The following COPE variants were observed in gnomAD, a reference collection of about 807,000 sequenced individuals.
COPE encodes coat protein complex I subunit epsilon.
COPE carries 19 observed loss-of-function variants against 42.1 expected under a neutral mutation model. The observed-to-expected ratio is 0.45, with a 90% CI of 0.31 to 0.66. COPE has a LOEUF of 0.66. Ranked by LOEUF, COPE falls within the 30% of genes least tolerant of loss-of-function variation. The probability of loss-of-function intolerance (pLI) is 0.05; values close to 1 mark genes in which losing one functional copy is unlikely to be tolerated. For missense variants in COPE, 402 were observed against 416.1 expected, an observed-to-expected ratio of 0.97 and a Z score of 0.30; for synonymous variants, 195 against 181.3, an observed-to-expected ratio of 1.08 and a Z score of -0.60.
chr19:18,911,603 G>A (rs953827686), intron 2 of COPE, among the ~76,000 whole-genome samples: 1 of 151,916 alleles, frequency 6.6e-6, no homozygotes, highest in Admixed American at 6.6e-5. Flanking sequence ...CCAGGCTGGA[G>A]TGCAGTGGCG....
chr19:18,912,248 C>T (rs1292438199), intron 2 of COPE, among the ~76,000 whole-genome samples: 1 of 151,468 alleles, frequency 6.6e-6, no homozygotes, highest in South Asian at 2.1e-4. Context: ...CTGGGCTCAA[C>T]TGATCCTCCT....
chr19:18,906,911 G>C, intron 4 of COPE, 49 bp downstream of exon 4: 1 of 1,518,924 alleles, frequency 6.6e-7, no homozygotes, highest in Non-Finnish European at 8.8e-7. Context: ...AGATGTGGCA[G>C]GGGGCACTTG....
chr19:18,913,523 GGA>G (rs2056829469), intron 1 of COPE, among the ~76,000 whole-genome samples: 1 of 152,224 alleles, frequency 6.6e-6, no homozygotes, highest in Admixed American at 6.5e-5. Context: ...ACAGAACTGA[GGA>G]GCAAGAGGGA....
intron 6 of COPE, 118 bp from the exon 7 acceptor site, chr19:18,903,541 G>A (rs191866755): frequency 1.4e-5 from 17 of 1,194,448 alleles, no homozygotes; most frequent in East Asian, 2.9e-5. Flanking sequence ...TGGTGTGCCC[G>A]GTTCAAGGCA....
At chr19:18,913,611 A>G (rs2313049) in intron 1 of COPE, among the ~76,000 whole-genome samples, 116,741 of 151,792 alleles carry the variant, frequency 0.77, 46,422 homozygotes, top group African/African-American at 0.95. Context: ...GGAGGCTGGG[A>G]CCGCTCTCCA....
intron 1 of COPE, among the ~76,000 whole-genome samples, chr19:18,914,111 G>A (rs2056833902): frequency 6.6e-6 from 1 of 152,144 alleles, no homozygotes; most frequent in Non-Finnish European, 1.5e-5. Context: ...GCTATGATTT[G>A]GAACAAGATG....
In COPE at chr19:18,913,035, T is replaced by C; in HGVS notation, c.138A>G (p.Pro46=). Residue 46 remains proline (P), a synonymous_variant, in exon 2 of 10, where the codon CCA becomes CCG. Transcript: ENST00000262812. ...AGACGTCCCTCTCCACGTCTCTCTC[T>C]GGGCTTGATAGCTGTGGGAACCAAT... ...NEAQRVKLSS[P]ERDVERDVFL... The C allele has an allele frequency of 6.2e-7, 1 of 1,611,594 alleles. No homozygotes were observed. The highest frequency in any genetic ancestry group is 8.5e-7 in the Non-Finnish European group (1 of 1,179,854).
chr19:18,918,239 G>C (rs182759181), intron 1 of COPE, among the ~76,000 whole-genome samples: 1 of 150,556 alleles, frequency 6.6e-6, no homozygotes, highest in African/African-American at 2.4e-5. Context: ...AGATGTATGG[G>C]AACAGACACA....
In COPE at chr19:18,907,131, C is replaced by T. The variant is rs199509192; in HGVS notation, c.291-19G>A. On this transcript the variant is annotated intron_variant, in intron 3 of 9. Transcript: ENST00000262812. The stretch of plus-strand genomic sequence containing the variant: ...GCTGTCCCTGCAAGACAGAGATGCT[C>T]ACGACCCACAGCTGGGGTGGCCTCT... The T allele has an allele frequency of 2.1e-5, 34 of 1,607,102 alleles. No individual in the cohort carries two copies. Among genetic ancestry groups the T allele is most frequent in the Non-Finnish European group, 2.7e-5 (32 of 1,177,648 alleles).
At chr19:18,901,156 G>C (rs980914368) in intron 7 of COPE, among the ~76,000 whole-genome samples, 1 of 152,204 alleles carries the variant, frequency 6.6e-6, no homozygotes, top group Non-Finnish European at 1.5e-5. Context: ...CAAGAATGCA[G>C]GGTGACCACA....
intron 5 of COPE, among the ~76,000 whole-genome samples, chr19:18,905,065 G>T (rs970360816): frequency 3.9e-5 from 6 of 152,192 alleles, no homozygotes; most frequent in Non-Finnish European, 7.4e-5. Flanking sequence ...GCCAGCTATG[G>T]CCCCCCAGGG....
At chr19:18,908,952 T>G (rs2056785850) in intron 3 of COPE, among the ~76,000 whole-genome samples, 1 of 152,102 alleles carries the variant, frequency 6.6e-6, no homozygotes, top group African/African-American at 2.4e-5. Context: ...AAGCCAAGAT[T>G]GTGCCACTGT....
rs767619658 is a variant in COPE, at chr19:18,910,968, C to T, written c.290+3G>A. ...CAGGCCAACCCATTCTCTGGGGCCT[C>T]ACCTCCGACTCTCGTGGGCGAGGTA... On this transcript the variant is annotated splice_donor_region_variant and intron_variant, in intron 3 of 9. Transcript: ENST00000262812. 3 of 1,613,604 alleles carry T rather than the reference C, an allele frequency of 1.9e-6. No homozygotes were observed. The highest frequency in any genetic ancestry group is 1.6e-4 in the Middle Eastern group (1 of 6,062).
chr19:18,900,432 C>G lies in COPE; in HGVS notation c.753G>C (p.Glu251Asp). 7 of 1,548,648 alleles carry G rather than the reference C, an allele frequency of 4.5e-6. No homozygotes were observed. Among genetic ancestry groups the G allele is most frequent in the Non-Finnish European group, 6.1e-6 (7 of 1,145,728 alleles). ...ACAGGACGATGAGGTTGACCAGCGTCTCTGGGTAGCCACTATCCTGGAGAC... is the reference window on the plus strand; with the variant it reads ...ACAGGACGATGAGGTTGACCAGCGTGTCTGGGTAGCCACTATCCTGGAGAC... The part of the protein sequence containing the change: ...EALDKDSGYP[E>D]TLVNLIVLSQ... Residue 251 changes from glutamate to aspartate, a missense_variant, in exon 8 of 10, where the codon GAG (glutamate) becomes GAC (aspartate). By Grantham distance (45) the Glu-to-Asp change is conservative. Coordinates refer to ENST00000262812, the MANE Select transcript of COPE (RefSeq NM_007263.4).
intron 1 of COPE, among the ~76,000 whole-genome samples, chr19:18,913,533 G>C (rs894559395): frequency 2.0e-5 from 3 of 152,326 alleles, no homozygotes; most frequent in Non-Finnish European, 4.4e-5. Context: ...GGAGCAAGAG[G>C]GAGGTAACCT....
intron 4 of COPE, chr19:18,906,241 G>T: frequency 3.3e-6 from 1 of 304,246 alleles, no homozygotes; most frequent in Non-Finnish European, 6.0e-6. Flanking sequence ...CCAGGCTGGA[G>T]TGCAGTGGCA....
chr19:18,905,486 AGCACCACAGAC>A (rs953579735), intron 5 of COPE, 79 bp downstream of exon 5: 15 of 1,294,426 alleles, frequency 1.2e-5, no homozygotes, highest in Non-Finnish European at 1.5e-5. Flanking sequence ...GAGTAATGAC[AGCACCACAGAC>A]GCTCTGGGCT....
intron 1 of COPE, among the ~76,000 whole-genome samples, chr19:18,916,944 CAAAAAAAAA>C (rs34497308): frequency 2.9e-5 from 2 of 68,670 alleles, no homozygotes; most frequent in African/African-American, 5.8e-5. Context: ...GATCCTGTCT[CAAAAAAAAA>C]AAAAAAAAAA....
At chr19:18,913,497 A>C (rs1421715832) in intron 1 of COPE, among the ~76,000 whole-genome samples, 3 of 152,172 alleles carry the variant, frequency 2.0e-5, no homozygotes, top group Non-Finnish European at 1.5e-5. Flanking sequence ...CCACACCCCC[A>C]CAGCCCAGCC....
Sources: allele counts gnomAD v4.1 joint callset (sites outside exome capture counted in the v4.1 genomes callset), GRCh38; gene constraint gnomAD v4.1.1; transcripts MANE v1.5; gene names NCBI Gene and HGNC (gene_info 2026-07-23, HGNC 2026-07-21).